DCLK2: variants seen among roughly 807,000 people sequenced by gnomAD.
The protein encoded by DCLK2 is doublecortin like kinase 2.
In DCLK2, 31 loss-of-function variants were observed where a neutral mutation model predicts 78.4. That is an observed-to-expected ratio of 0.40 (90% CI 0.30 to 0.53). DCLK2 has a LOEUF of 0.53. Among genes scored for constraint, DCLK2 ranks in the 20% least tolerant of loss-of-function variants. The pLI, the probability that DCLK2 is intolerant of heterozygous loss-of-function variation, is 0.61. For synonymous variants in DCLK2, 407 were observed against 374.9 expected (o/e 1.09, Z -0.99); for missense variants, 872 against 973.7 (o/e 0.90, Z 1.39).
intron 2 of DCLK2, among the ~76,000 whole-genome samples, chr4:150,142,533 A>C (rs1734178173): frequency 6.6e-6 from 1 of 152,198 alleles, no homozygotes; most frequent in African/African-American, 2.4e-5. Flanking sequence ...TTCATCACTC[A>C]TATTCCAAAT....
chr4:150,079,078 A>C lies in DCLK2; in HGVS notation c.51A>C (p.Lys17Asn), dbSNP rs1729034058. The change falls in exon 1 of 16, where the codon AAA (lysine) becomes AAC (asparagine). Residue 17 changes from lysine to asparagine, a missense_variant. Lys to Asn is a moderately conservative substitution (Grantham distance 94, BLOSUM62 0). Transcript: ENST00000296550. ...TGGAGCACTTTGAGGAACGGGACAAAAGGCCGCGGCCGGGGTCGCGGAGAG... is the reference window on the plus strand; with the variant it reads ...TGGAGCACTTTGAGGAACGGGACAACAGGCCGCGGCCGGGGTCGCGGAGAG... ...IELEHFEERD[K>N]RPRPGSRRGA... 6.4e-7 allele frequency: 1 copy of C among 1,563,474 alleles called. No individual in the cohort carries two copies. The highest frequency in any genetic ancestry group is 8.6e-7 in the Non-Finnish European group (1 of 1,158,460).
In DCLK2 at chr4:150,221,658, G is replaced by A. The variant is rs1428351405; in HGVS notation, c.1133-19G>A. On this transcript the variant is annotated intron_variant, in intron 6 of 15. Transcript: ENST00000296550. ...AATGCTGATGTTTTCTTTAGAATTT[G>A]CATTTATCCTTTTTGCAGGTGTGAA... is the stretch of plus-strand genomic sequence containing the variant. The A allele has an allele frequency of 6.6e-7, 1 of 1,517,288 alleles. No homozygotes were observed. The highest frequency in any genetic ancestry group is 9.0e-7 in the Non-Finnish European group (1 of 1,111,984). The allele number at this position is 1,517,288 out of a possible 1,614,324, so 94.0% of individuals were successfully genotyped here.
intron 2 of DCLK2, among the ~76,000 whole-genome samples, chr4:150,182,646 T>C (rs925067216): frequency 6.6e-6 from 1 of 152,148 alleles, no homozygotes; most frequent in African/African-American, 2.4e-5. Flanking sequence ...AGAAAACTTA[T>C]ATGTAGTAGA....
intron 5 of DCLK2, among the ~76,000 whole-genome samples, chr4:150,219,127 C>T (rs1740970179): frequency 6.6e-6 from 1 of 152,024 alleles, no homozygotes; most frequent in Admixed American, 6.6e-5. Context: ...TCCCTTGAGC[C>T]TGGGAGGTGG....
intron 1 of DCLK2, among the ~76,000 whole-genome samples, chr4:150,089,578 T>A (rs778866385): frequency 6.6e-6 from 1 of 152,170 alleles, no homozygotes; most frequent in Non-Finnish European, 1.5e-5. Context: ...AAAAACAATA[T>A]AAAAATCCAG....
At chr4:150,197,496 G>A (rs1434101112) in intron 3 of DCLK2, among the ~76,000 whole-genome samples, 1 of 152,166 alleles carries the variant, frequency 6.6e-6, no homozygotes, top group Non-Finnish European at 1.5e-5. Context: ...GCTCATGCCT[G>A]TAATCCTAGC....
intron 2 of DCLK2, among the ~76,000 whole-genome samples, chr4:150,116,850 T>C (rs1367207145): frequency 6.6e-6 from 1 of 152,170 alleles, no homozygotes; most frequent in Non-Finnish European, 1.5e-5. Context: ...GGTGCTGTGT[T>C]CTTCTACCTG....
intron 1 of DCLK2, among the ~76,000 whole-genome samples, chr4:150,084,225 GATCTTAA>G (rs1175796477): frequency 6.6e-6 from 1 of 152,188 alleles, no homozygotes. Context: ...TGAGGTCAGG[GATCTTAA>G]ATACAGTAAA....
intron 2 of DCLK2, among the ~76,000 whole-genome samples, chr4:150,132,397 A>G (rs1472479656): frequency 6.6e-6 from 1 of 152,272 alleles, no homozygotes; most frequent in Non-Finnish European, 1.5e-5. Flanking sequence ...AACCCTATGC[A>G]GAATGCAGTG....
In DCLK2 at chr4:150,256,371, TC is replaced by T; in HGVS notation, c.*126del. 1 of 1,317,574 alleles carries T rather than the reference TC, an allele frequency of 7.6e-7. No individual in the cohort carries two copies. The highest frequency in any genetic ancestry group is 1.6e-5 in the South Asian group (1 of 63,592). The allele number at this position is 1,317,574 out of a possible 1,614,324, so 81.6% of individuals were successfully genotyped here. A position where few individuals can be genotyped will look rare whatever the true frequency, so the allele number is the denominator to read the frequency against. On this transcript the variant is annotated 3_prime_UTR_variant, in exon 16 of 16. Transcript: ENST00000296550. The stretch of plus-strand genomic sequence containing the variant: ...CGCCTGCGCCTGAGTTCGCGGGTCC[TC>T]CGCAGGCCGCCTGGGAACCGGAGCC...
chr4:150,109,720 C>T (rs1173467721), intron 2 of DCLK2, among the ~76,000 whole-genome samples: 2 of 152,260 alleles, frequency 1.3e-5, no homozygotes, highest in African/African-American at 4.8e-5. Flanking sequence ...GTGTGGGTAG[C>T]CCTGGTCTGC....
intron 5 of DCLK2, among the ~76,000 whole-genome samples, chr4:150,217,360 G>C (rs1740798602): frequency 6.6e-6 from 1 of 152,158 alleles, no homozygotes; most frequent in Admixed American, 6.5e-5. Flanking sequence ...AGATCTTACT[G>C]AATACTCAGC....
chr4:150,131,198 A>G (rs879282069), intron 2 of DCLK2, among the ~76,000 whole-genome samples: 3 of 152,030 alleles, frequency 2.0e-5, no homozygotes, highest in Non-Finnish European at 4.4e-5. Context: ...TCATTTGATC[A>G]TTTTATTAAG....
intron 12 of DCLK2, among the ~76,000 whole-genome samples, chr4:150,242,563 G>A (rs1743004943): frequency 6.6e-6 from 1 of 152,148 alleles, no homozygotes; most frequent in African/African-American, 2.4e-5. Context: ...TGATGGTCTA[G>A]GATGACCCCA....
intron 12 of DCLK2, among the ~76,000 whole-genome samples, chr4:150,241,316 G>A (rs1435083487): frequency 6.6e-6 from 1 of 152,176 alleles, no homozygotes; most frequent in African/African-American, 2.4e-5. Flanking sequence ...TATTTGAGCA[G>A]GGCACGGGAG....
rs1479039177 is a variant in DCLK2, at chr4:150,249,576, C to T, written c.1965C>T (p.Ala655=). The change falls in exon 15 of 16, where the codon GCC becomes GCT. Residue 655 remains alanine, a synonymous_variant. Coordinates refer to ENST00000296550, the MANE Select transcript of DCLK2 (RefSeq NM_001040260.4). ...ILSHPWVSDD[A]SQENNMQAEV... is the part of the protein sequence containing the mutation. ...TGTTTTCTTTCCTGTAGGATGATGCCTCCCAGGAGAATAACATGCAAGCTG... is the reference window on the plus strand; with the variant it reads ...TGTTTTCTTTCCTGTAGGATGATGCTTCCCAGGAGAATAACATGCAAGCTG... 5.6e-6 allele frequency: 9 copies of T among 1,613,322 alleles called. No homozygotes were observed. The highest frequency in any genetic ancestry group is 4.0e-5 in the African/African-American group (3 of 74,874).
chr4:150,243,355 G>A (rs1743066075), intron 12 of DCLK2, among the ~76,000 whole-genome samples: 1 of 152,190 alleles, frequency 6.6e-6, no homozygotes, highest in Non-Finnish European at 1.5e-5. Flanking sequence ...ATATTGTGAT[G>A]AAAGAGAATC....
At chr4:150,085,674 A>G (rs1018047311) in intron 1 of DCLK2, among the ~76,000 whole-genome samples, 1 of 152,262 alleles carries the variant, frequency 6.6e-6, no homozygotes, top group African/African-American at 2.4e-5. Context: ...TTAGTGCCCA[A>G]AGAGGCCCCA....
At chr4:150,237,594 A>C (rs1666739813) in intron 10 of DCLK2, among the ~76,000 whole-genome samples, 1 of 152,228 alleles carries the variant, frequency 6.6e-6, no homozygotes, top group African/African-American at 2.4e-5. Flanking sequence ...GTCCTCTTTA[A>C]AATGCCTGTA....
Sources: gnomAD v4.1 joint callset for allele counts (sites outside exome capture counted in the v4.1 genomes callset) on GRCh38, gnomAD v4.1.1 for gene constraint, MANE v1.5 for transcripts, NCBI Gene and HGNC (gene_info 2026-07-23, HGNC 2026-07-21) for gene names.